The following CTPS2 variants were observed in gnomAD, a reference collection of about 807,000 sequenced individuals.
CTPS2 encodes CTP synthase 2.
Under a neutral mutation model 46.8 loss-of-function variants are expected in CTPS2, and 19 were observed. The ratio of observed to expected loss-of-function variants is 0.41; its 90% CI spans 0.28 to 0.60. The LOEUF (loss-of-function observed/expected upper bound fraction) is 0.60. Ranked by LOEUF, CTPS2 falls within the 20% of genes least tolerant of loss-of-function variation. The pLI, the probability that CTPS2 is intolerant of heterozygous loss-of-function variation, is 0.35. For missense variants in CTPS2, 286 were observed against 447.6 expected (o/e 0.64, Z 3.26); for synonymous variants, 151 against 165.2 (o/e 0.91, Z 0.66).
At chrX:16,599,467 C>CTTTTTTTTTT (rs1009319649) in intron 17 of CTPS2, among the ~76,000 whole-genome samples, 1 of 94,561 alleles carries the variant, frequency 1.1e-5, no homozygotes, top group African/African-American at 4.1e-5. Flanking sequence ...TTTTCTTTTT[C>CTTTTTTTTTT]TTTTTTTTCT....
Position 16,601,570 on chromosome X carries a change from A to T in CTPS2, c.1691+7971T>A, listed in dbSNP as rs1423032885. 7.7e-4 allele frequency among the ~76,000 whole-genome samples: 9 copies of T among 11,673 alleles called. No homozygotes were observed. In the East Asian group the frequency reaches 0.051, roughly 67 times the overall value. 10.1% of individuals were successfully genotyped at this position (11,673 alleles called of 115,157 possible). ...TTTATCCTATAAACCAAGGGAAGCC[A>T]TCGGGGGGGGGGGGGTTTAAGTTCC... On this transcript the variant is annotated intron_variant, in intron 17 of 18. Transcript: ENST00000359276.
chrX:16,701,152 C>T (rs1052509332), intron 2 of CTPS2, among the ~76,000 whole-genome samples: 15 of 112,018 alleles, frequency 1.3e-4, no homozygotes, highest in Non-Finnish European at 2.6e-4. Flanking sequence ...ATAAGTCATT[C>T]ACAAACAAAA....
chrX:16,660,186 AG>A (rs1267850469), intron 13 of CTPS2, among the ~76,000 whole-genome samples: 1 of 108,960 alleles, frequency 9.2e-6, no homozygotes, highest in Non-Finnish European at 1.9e-5. Flanking sequence ...AGAGTGTGCA[AG>A]GGTTCCCTTT....
At chrX:16,695,617 T>C in intron 4 of CTPS2, among the ~76,000 whole-genome samples, 1 of 110,908 alleles carries the variant, frequency 9.0e-6, no homozygotes, top group Non-Finnish European at 1.9e-5. Flanking sequence ...AATGGCGCGA[T>C]GTCGGCTCAC....
chrX:16,669,787 C>T (rs773121914), intron 11 of CTPS2, among the ~76,000 whole-genome samples: 5 of 110,586 alleles, frequency 4.5e-5, no homozygotes, highest in Non-Finnish European at 3.8e-5. Flanking sequence ...ATCCACTGCA[C>T]AGTGGGAAAC....
intron 2 of CTPS2, among the ~76,000 whole-genome samples, chrX:16,701,654 T>C (rs1037849065): frequency 3.7e-5 from 4 of 107,181 alleles, no homozygotes; most frequent in African/African-American, 1.4e-4. Flanking sequence ...CAGGCTGGAG[T>C]GCAGTGGCGC....
intron 14 of CTPS2, among the ~76,000 whole-genome samples, chrX:16,632,157 C>T (rs143816849): frequency 0.029 from 3,265 of 111,549 alleles, 46 homozygotes; most frequent in Middle Eastern, 0.046. Flanking sequence ...TTTTTTAAGG[C>T]CAGACACAGT....
chrX:16,693,605 A>G (rs1602276755), intron 4 of CTPS2, 118 bp from the exon 5 acceptor site: 1 of 514,140 alleles, frequency 1.9e-6, no homozygotes, highest in South Asian at 3.0e-5. Flanking sequence ...TGATGGTTAC[A>G]CAGAGGTTTA....
chrX:16,626,930 T>C (rs1931186138), intron 14 of CTPS2: 1 of 113,637 alleles, frequency 8.8e-6, no homozygotes, highest in Admixed American at 9.6e-5. Flanking sequence ...TCCCATTCTA[T>C]ACCTTCTGAT....
chrX:16,667,857 G>T, intron 11 of CTPS2, 133 bp from the exon 12 acceptor site: 1 of 549,140 alleles, frequency 1.8e-6, no homozygotes, highest in Non-Finnish European at 3.0e-6. Context: ...TGCCTGTTTT[G>T]CTCCCTGCTG....
At chrX:16,619,794 G>A (rs1343257660) in intron 15 of CTPS2, among the ~76,000 whole-genome samples, 4 of 111,547 alleles carry the variant, frequency 3.6e-5, no homozygotes, top group Non-Finnish European at 7.5e-5. Flanking sequence ...TTAGTCATGT[G>A]ACGCTAAGCC....
At chrX:16,691,938 G>A (rs1454495212) in intron 6 of CTPS2, among the ~76,000 whole-genome samples, 2 of 111,837 alleles carry the variant, frequency 1.8e-5, no homozygotes, top group Non-Finnish European at 3.8e-5. Flanking sequence ...AATATTTTAG[G>A]TTTGCAGGTG....
intron 13 of CTPS2, among the ~76,000 whole-genome samples, chrX:16,640,291 G>C (rs1932017605): frequency 9.0e-6 from 1 of 111,189 alleles, no homozygotes; most frequent in African/African-American, 3.3e-5. Flanking sequence ...TGTGCCCTCT[G>C]CCTGGACAAT....
chrX:16,686,634 T>C (rs1481487228), intron 8 of CTPS2, among the ~76,000 whole-genome samples: 1 of 112,585 alleles, frequency 8.9e-6, no homozygotes, highest in Non-Finnish European at 1.9e-5. Flanking sequence ...CTGGGCATGG[T>C]GGCTCACGCC....
chrX:16,693,059 A>G, intron 6 of CTPS2, 82 bp downstream of exon 6: 1 of 705,091 alleles, frequency 1.4e-6, no homozygotes, highest in Non-Finnish European at 2.2e-6. Flanking sequence ...TCCGTCTCAA[A>G]TTAAAAAAAA....
Position 16,659,884 on chromosome X carries a change from G to A in CTPS2, c.1296+7630C>T, listed in dbSNP as rs1310082367. On this transcript the variant is annotated intron_variant, in intron 13 of 18. Transcript: ENST00000359276. ...GAACTTACTCATCTTATAACTGCAA[G>A]TTTGTGCCCTTTGACCAACATCTCC... Among the ~76,000 whole-genome samples the A allele has an allele frequency of 1.2e-4, 13 of 111,272 alleles. No individual in the cohort carries two copies. In the Admixed American group the frequency reaches 1.2e-3, roughly 11 times the overall value.
intron 17 of CTPS2, among the ~76,000 whole-genome samples, chrX:16,600,369 A>T: frequency 8.9e-6 from 1 of 112,060 alleles, no homozygotes; most frequent in Non-Finnish European, 1.9e-5. Context: ...TTTCCTGTGA[A>T]ACAGCATGTT....
intron 1 of CTPS2, among the ~76,000 whole-genome samples, chrX:16,709,437 A>AT (rs1423192455): frequency 2.7e-5 from 3 of 111,297 alleles, no homozygotes; most frequent in African/African-American, 9.8e-5. Context: ...CAAAAAAAAA[A>AT]AAAAAGGAAG....
intron 4 of CTPS2, 35 bp downstream of exon 4, chrX:16,698,201 A>G (rs1258680340): frequency 6.1e-6 from 6 of 983,074 alleles, no homozygotes; most frequent in South Asian, 3.9e-5. Context: ...AAGACCCAGC[A>G]GGATATAATT....
Sources: gnomAD v4.1 joint callset for allele counts (sites outside exome capture counted in the v4.1 genomes callset) on GRCh38, gnomAD v4.1.1 for gene constraint, MANE v1.5 for transcripts, NCBI Gene and HGNC (gene_info 2026-07-23, HGNC 2026-07-21) for gene names.